The following RMDN1 variants were observed in gnomAD, a reference collection of about 807,000 sequenced individuals.
The protein encoded by RMDN1 is regulator of microtubule dynamics 1.
RMDN1 carries 48 observed loss-of-function variants against 48.9 expected under a neutral mutation model. The ratio of observed to expected loss-of-function variants is 0.98; its 90% CI spans 0.78 to 1.25. The LOEUF is 1.25. Ranked by LOEUF, RMDN1 falls within the 50% of genes most tolerant of loss-of-function variation. The pLI is 0.00. For missense variants in RMDN1, 418 were observed against 373.4 expected (o/e 1.12, Z -0.98); for synonymous variants, 148 against 132.6 (o/e 1.12, Z -0.80).
intron 2 of RMDN1, among the ~76,000 whole-genome samples, chr8:86,501,675 AAAAT>A (rs1818249388): frequency 1.1e-4 from 1 of 9,190 alleles, no homozygotes; most frequent in Admixed American, 2.8e-3. Flanking sequence ...TCTCAAAAAA[AAAAT>A]AAGTTCTAAT....
downstream of RMDN1, chr8:86,470,151 A>G: frequency 7.8e-7 from 1 of 1,284,372 alleles, no homozygotes. Context: ...GGAAGGAAAC[A>G]TCTATAATGG....
At chr8:86,502,245 C>CTT (rs555148989) in intron 2 of RMDN1, among the ~76,000 whole-genome samples, 1 of 150,968 alleles carries the variant, frequency 6.6e-6, no homozygotes, top group Non-Finnish European at 1.5e-5. Flanking sequence ...ACTGGCAAGT[C>CTT]TTTTTTTTTG....
upstream of RMDN1, among the ~76,000 whole-genome samples, chr8:86,512,226 T>G (rs577920878): frequency 6.6e-6 from 1 of 152,304 alleles, no homozygotes; most frequent in East Asian, 1.9e-4. Flanking sequence ...TAAAGAAAAG[T>G]TTTGAAGGTT....
chr8:86,479,414 T>C (rs558144816), intron 6 of RMDN1, among the ~76,000 whole-genome samples: 1 of 152,264 alleles, frequency 6.6e-6, no homozygotes, highest in South Asian at 2.1e-4. Context: ...ATCAAATGTA[T>C]AAATAACAGC....
intron 2 of RMDN1, among the ~76,000 whole-genome samples, chr8:86,495,180 C>T (rs756724376): frequency 2.6e-4 from 39 of 151,976 alleles, no homozygotes; most frequent in Non-Finnish European, 3.1e-4. Context: ...AGGACACAGA[C>T]CCTGAATCTG....
intron 2 of RMDN1, among the ~76,000 whole-genome samples, chr8:86,498,516 T>C (rs1425178511): frequency 1.3e-5 from 2 of 152,110 alleles, no homozygotes; most frequent in African/African-American, 4.8e-5. Context: ...TGGTGGCTCA[T>C]GTCTGTAATC....
At chr8:86,494,875 G>A (rs1292940999) in intron 2 of RMDN1, 3 of 397,196 alleles carry the variant, frequency 7.6e-6, no homozygotes, top group African/African-American at 2.1e-5. Flanking sequence ...TTGGGAGGCT[G>A]AGGTGGGAGG....
intron 4 of RMDN1, among the ~76,000 whole-genome samples, 163 bp downstream of exon 4, chr8:86,486,321 C>A (rs1166680499): frequency 6.6e-6 from 1 of 151,926 alleles, no homozygotes; most frequent in African/African-American, 2.4e-5. Flanking sequence ...ATCTTCCCTA[C>A]TTCTTTAAAA....
intron 5 of RMDN1, chr8:86,482,101 C>T: frequency 1.7e-6 from 1 of 581,558 alleles, no homozygotes; most frequent in Non-Finnish European, 3.1e-6. Context: ...GGACCTCGAT[C>T]TTGAAAGGAG....
upstream of RMDN1, chr8:86,514,343 C>T: frequency 1.2e-6 from 1 of 823,466 alleles, no homozygotes; most frequent in Non-Finnish European, 1.5e-6. Flanking sequence ...GGAGTCAGCT[C>T]CCTGCGGATG....
At chr8:86,474,606 T>C (rs953998919) in intron 9 of RMDN1, 7 of 720,530 alleles carry the variant, frequency 9.7e-6, no homozygotes, top group Non-Finnish European at 1.7e-5. Flanking sequence ...TAATTCTGCA[T>C]TGTAGCAGGC....
chr8:86,499,939 A>G (rs1007165954), intron 2 of RMDN1, among the ~76,000 whole-genome samples: 1 of 152,352 alleles, frequency 6.6e-6, no homozygotes, highest in African/African-American at 2.4e-5. Context: ...CAATGGAGAA[A>G]AGAATCCCTA....
downstream of RMDN1, chr8:86,468,765 A>T (rs939338290): frequency 2.2e-6 from 1 of 454,472 alleles, no homozygotes; most frequent in East Asian, 6.9e-5. Context: ...TCCACTTTTC[A>T]TACCCAATTA....
chr8:86,494,539 G>C (rs201892008), intron 2 of RMDN1, among the ~76,000 whole-genome samples: 7 of 152,286 alleles, frequency 4.6e-5, no homozygotes, highest in South Asian at 2.1e-4. Context: ...CTGGGTGACA[G>C]AGCGAGACTC....
chr8:86,514,353 G>A, upstream of RMDN1: 1 of 727,010 alleles, frequency 1.4e-6, no homozygotes, highest in Non-Finnish European at 1.7e-6. Flanking sequence ...CCCTGCGGAT[G>A]GGCTGATCCT....
chr8:86,490,741 T>C (rs1057257990), intron 2 of RMDN1, among the ~76,000 whole-genome samples: 2 of 152,214 alleles, frequency 1.3e-5, no homozygotes, highest in Non-Finnish European at 2.9e-5. Context: ...ACATAGTATG[T>C]ATAAGTAAAA....
rs1465541850 is a variant in RMDN1, at chr8:86,481,891, CA to C, written c.586-1560del. On this transcript the variant is annotated intron_variant, in intron 5 of 9. Coordinates refer to ENST00000406452, the MANE Select transcript of RMDN1 (RefSeq NM_016033.3). Reference sequence around the variant, plus strand: ...AACATCAAGGTAGATCTAATATGTTCAACAAAGTGGGGTGGCTCGGCCAGAC... The same window carrying C: ...AACATCAAGGTAGATCTAATATGTTCACAAAGTGGGGTGGCTCGGCCAGAC... The C allele has an allele frequency of 1.9e-4, 146 of 776,632 alleles. 1 individual carries two copies. Among genetic ancestry groups the C allele is most frequent in the Non-Finnish European group, 2.7e-4 (131 of 479,064 alleles). 48.1% of individuals were successfully genotyped at this position (776,632 alleles called of 1,614,324 possible). A position where few individuals can be genotyped will look rare whatever the true frequency, so the allele number is the denominator to read the frequency against.
intron 2 of RMDN1, among the ~76,000 whole-genome samples, chr8:86,496,585 G>A (rs1395726745): frequency 2.0e-5 from 3 of 152,186 alleles, no homozygotes; most frequent in Non-Finnish European, 4.4e-5. Flanking sequence ...AATTAAACAT[G>A]AAGACAACTA....
chr8:86,479,767 A>AT (rs1814025871), intron 6 of RMDN1, among the ~76,000 whole-genome samples: 1 of 150,810 alleles, frequency 6.6e-6, no homozygotes, highest in Non-Finnish European at 1.5e-5. Context: ...TATACTCAAA[A>AT]GAGTGTCCCA....
Sources: gnomAD v4.1 joint callset for allele counts (sites outside exome capture counted in the v4.1 genomes callset) on GRCh38, gnomAD v4.1.1 for gene constraint, MANE v1.5 for transcripts, NCBI Gene and HGNC (gene_info 2026-07-23, HGNC 2026-07-21) for gene names.